CNTN6: variants seen among roughly 807,000 people sequenced by gnomAD.
CNTN6 encodes the protein contactin 6.
CNTN6 carries 137 observed loss-of-function variants against 122.8 expected under a neutral mutation model. The observed-to-expected ratio is 1.12, with a 90% CI of 0.97 to 1.29. CNTN6 has a LOEUF of 1.29. Ranked by LOEUF, CNTN6 falls within the 50% of genes most tolerant of loss-of-function variation. The probability of loss-of-function intolerance (pLI) is 0.00; values close to 1 mark genes in which losing one functional copy is unlikely to be tolerated. For synonymous variants in CNTN6, 570 were observed against 426.0 expected, an observed-to-expected ratio of 1.34 and a Z score of -4.16; for missense variants, 1,634 against 1,223.4, an observed-to-expected ratio of 1.34 and a Z score of -5.01.
intron 9 of CNTN6, among the ~76,000 whole-genome samples, chr3:1,326,463 T>C (rs937350114): frequency 6.6e-6 from 1 of 151,840 alleles, no homozygotes; most frequent in African/African-American, 2.4e-5. Context: ...TATTTTGGTC[T>C]GATATCAGGA....
In CNTN6 at chr3:1,148,072, T is replaced by C. The variant is rs1192615151; in HGVS notation, c.55+9T>C. ...CATAAACTCTTCTGCAGGTAAAGTG[T>C]TCTATTATTATAAGTTTTGATTGAT... On this transcript the variant is annotated intron_variant, in intron 2 of 22. Transcript: ENST00000446702. 3.8e-6 allele frequency: 6 copies of C among 1,598,820 alleles called. No homozygotes were observed. In the East Asian group the frequency reaches 1.1e-4, roughly 30 times the overall value.
At chr3:1,181,376 G>A (rs967349917) in intron 2 of CNTN6, among the ~76,000 whole-genome samples, 1 of 152,166 alleles carries the variant, frequency 6.6e-6, no homozygotes, top group Admixed American at 6.6e-5. Context: ...CTCAGATATT[G>A]TGATTATGCA....
chr3:1,313,886 C>T (rs879669941), intron 7 of CNTN6, among the ~76,000 whole-genome samples: 1 of 151,954 alleles, frequency 6.6e-6, no homozygotes, highest in South Asian at 2.1e-4. Flanking sequence ...TAGCTGTGTC[C>T]TCGCATGGTG....
intron 4 of CNTN6, among the ~76,000 whole-genome samples, chr3:1,255,415 TG>T (rs72308540): frequency 0.15 from 17,389 of 113,546 alleles, 1,301 homozygotes; most frequent in South Asian, 0.38. Context: ...CATTTGAAAA[TG>T]GAAAAAAAAA....
At position 1,230,928 on chromosome 3, in the gene CNTN6, T is replaced by C. The variant is rs545269961; in HGVS notation, c.358+2935T>C. Reference sequence around the variant, plus strand: ...AAATAAGCCTGGTAGTAGAGGCTGGTGATTCCTTGTCCACATCCGCTTTTG... The same window carrying C: ...AAATAAGCCTGGTAGTAGAGGCTGGCGATTCCTTGTCCACATCCGCTTTTG... On this transcript the variant is annotated intron_variant, in intron 4 of 22. Coordinates refer to ENST00000446702, the MANE Select transcript of CNTN6 (RefSeq NM_001289080.2). 7.5e-4 allele frequency among the ~76,000 whole-genome samples: 115 copies of C among 152,330 alleles called. 2 individuals are homozygous for C. The highest frequency in any genetic ancestry group is 2.7e-3 in the African/African-American group (111 of 41,576).
At chr3:1,154,685 C>T (rs528648295) in intron 2 of CNTN6, among the ~76,000 whole-genome samples, 99 of 152,162 alleles carry the variant, frequency 6.5e-4, no homozygotes, top group African/African-American at 2.3e-3. Flanking sequence ...TCTGGTGTTC[C>T]GCCCGCCTCA....
chr3:1,361,133 G>A (rs1390870626), intron 12 of CNTN6, among the ~76,000 whole-genome samples: 2 of 151,948 alleles, frequency 1.3e-5, no homozygotes, highest in Admixed American at 1.3e-4. Flanking sequence ...AATATTTTTG[G>A]TTTTCACAAC....
At position 1,280,351 on chromosome 3, in the gene CNTN6, C is replaced by T. The variant is rs1449427027; in HGVS notation, c.454+1843C>T. 6.0e-5 allele frequency among the ~76,000 whole-genome samples: 9 copies of T among 150,248 alleles called. No individual in the cohort carries two copies. The East Asian group carries it at 9.8e-4, about 16-fold the overall frequency. ...CTCATTGTAACAGCGCCCGTGGGGT[C>T]GATGCCATAAAATTAAGTCACACAT... On this transcript the variant is annotated intron_variant, in intron 5 of 22. Transcript: ENST00000446702.
At chr3:1,227,395 G>T (rs936072310) in intron 3 of CNTN6, among the ~76,000 whole-genome samples, 1 of 152,088 alleles carries the variant, frequency 6.6e-6, no homozygotes, top group Admixed American at 6.5e-5. Context: ...TATGCTTGCC[G>T]CTTTCAATAT....
intron 2 of CNTN6, among the ~76,000 whole-genome samples, chr3:1,155,832 C>T (rs78668282): frequency 6.6e-6 from 1 of 152,168 alleles, no homozygotes; most frequent in Admixed American, 6.5e-5. Context: ...TACAGTTTCT[C>T]TCTATTTTGA....
chr3:1,328,243 A>C (rs1381740536), intron 10 of CNTN6, among the ~76,000 whole-genome samples: 1 of 151,896 alleles, frequency 6.6e-6, no homozygotes, highest in Admixed American at 6.6e-5. Context: ...TAGAAAAATA[A>C]GTCCCTATAG....
Position 1,131,187 on chromosome 3 carries a change from C to T in CNTN6, c.-82-16740C>T, listed in dbSNP as rs1320503713. Among the ~76,000 whole-genome samples the T allele has an allele frequency of 2.6e-5, 4 of 152,038 alleles. No individual in the cohort carries two copies. In the East Asian group the frequency reaches 7.7e-4, roughly 29 times the overall value. On this transcript the variant is annotated intron_variant, in intron 1 of 22. Coordinates refer to ENST00000446702, the MANE Select transcript of CNTN6 (RefSeq NM_001289080.2). The stretch of plus-strand genomic sequence containing the variant: ...ACCTGCAAATGGTAGGTCTGCAGGG[C>T]ACACCAAGCACGATGATATTCATCC...
intron 2 of CNTN6, among the ~76,000 whole-genome samples, chr3:1,199,186 T>C (rs1049802518): frequency 2.0e-5 from 3 of 149,812 alleles, no homozygotes; most frequent in Admixed American, 2.0e-4. Context: ...TTTTTTTTTT[T>C]TTTTTTTCCT....
intron 2 of CNTN6, among the ~76,000 whole-genome samples, chr3:1,209,810 T>G (rs2094009426): frequency 6.6e-6 from 1 of 152,162 alleles, no homozygotes; most frequent in Admixed American, 6.6e-5. Flanking sequence ...CAAGCATTCC[T>G]CTTTTCTTTA....
intron 20 of CNTN6, among the ~76,000 whole-genome samples, chr3:1,388,205 C>G (rs1186428903): frequency 6.7e-6 from 1 of 150,094 alleles, no homozygotes; most frequent in Non-Finnish European, 1.5e-5. Flanking sequence ...CAGCATGCAG[C>G]TGGAGATCTG....
intron 2 of CNTN6, among the ~76,000 whole-genome samples, chr3:1,185,560 C>A (rs1299051051): frequency 6.6e-6 from 1 of 152,102 alleles, no homozygotes; most frequent in Non-Finnish European, 1.5e-5. Flanking sequence ...ATCTATGTGA[C>A]CTTGGCATGT....
chr3:1,372,864 G>A lies in CNTN6; in HGVS notation c.1695G>A (p.Arg565=), dbSNP rs1709258683. 1.2e-6 allele frequency: 2 copies of A among 1,607,348 alleles called. No homozygotes were observed. Among genetic ancestry groups the A allele is most frequent in the Admixed American group, 1.7e-5 (1 of 59,360 alleles). The change falls in exon 14 of 23, where the codon AGG becomes AGA. Residue 565 remains arginine, a synonymous_variant. Transcript: ENST00000446702. ...GGESVGDLMI[R]NIQLHHSGKY... is the part of the protein sequence containing the mutation. ...AATCTGTTGGGGATTTGATGATAAG[G>A]AATATTCAGTTACATCATTCAGGAA...
intron 1 of CNTN6, among the ~76,000 whole-genome samples, chr3:1,140,689 A>C (rs1027106269): frequency 5.1e-4 from 78 of 152,278 alleles, no homozygotes; most frequent in African/African-American, 1.8e-3. Context: ...TAAGTTCTAC[A>C]GCTTGGTTTC....
chr3:1,211,469 A>C (rs967241163), intron 2 of CNTN6, among the ~76,000 whole-genome samples: 1 of 152,152 alleles, frequency 6.6e-6, no homozygotes, highest in Admixed American at 6.6e-5. Context: ...TCTATGGTTT[A>C]TTTAAAGCTA....
Sources: allele counts gnomAD v4.1 joint callset (sites outside exome capture counted in the v4.1 genomes callset), GRCh38; gene constraint gnomAD v4.1.1; transcripts MANE v1.5; gene names NCBI Gene and HGNC (gene_info 2026-07-23, HGNC 2026-07-21).